The following PCLO variants were observed in gnomAD, a reference collection of about 807,000 sequenced individuals.
The protein encoded by PCLO is piccolo presynaptic cytomatrix protein.
A neutral mutation model predicts 427.5 loss-of-function variants in PCLO; 82 were observed. The ratio of observed to expected loss-of-function variants is 0.19; its 90% CI spans 0.16 to 0.23. The LOEUF is 0.23. Ranked by LOEUF, PCLO falls within the 10% of genes least tolerant of loss-of-function variation. The pLI, the probability that PCLO is intolerant of heterozygous loss-of-function variation, is 1.00. For synonymous variants in PCLO, 2,357 were observed against 2,155.4 expected (o/e 1.09, Z -2.59); for missense variants, 6,239 against 6,115.9 (o/e 1.02, Z -0.67).
In PCLO at chr7:82,756,084, T is replaced by G. The variant is rs1034614830; in HGVS notation, c.*2491A>C. ...ATCTTTGTTTTGGTGATCCCTCCATTTATATTATTCTAAAAGAAATTGCAA... is the reference window on the plus strand; with the variant it reads ...ATCTTTGTTTTGGTGATCCCTCCATGTATATTATTCTAAAAGAAATTGCAA... On this transcript the variant is annotated 3_prime_UTR_variant, in exon 25 of 25. Transcript: ENST00000333891. 3 of 152,094 alleles carry G rather than the reference T, an allele frequency of 2.0e-5. No homozygotes were observed. The highest frequency in any genetic ancestry group is 4.4e-5 in the Non-Finnish European group (3 of 68,020). 9.4% of individuals were successfully genotyped at this position (152,094 alleles called of 1,614,324 possible).
intron 22 of PCLO, among the ~76,000 whole-genome samples, chr7:82,773,395 C>T (rs1400374191): frequency 1.3e-5 from 2 of 152,084 alleles, no homozygotes; most frequent in Non-Finnish European, 1.5e-5. Context: ...CCTGTGAAGA[C>T]CTCCTGAATG....
intron 6 of PCLO, among the ~76,000 whole-genome samples, chr7:82,938,374 A>G (rs1795004272): frequency 6.6e-6 from 1 of 151,922 alleles, no homozygotes; most frequent in Non-Finnish European, 1.5e-5. Context: ...TTGTTGCTTC[A>G]TTCAACATTA....
At chr7:82,994,426 C>T (rs555789361) in intron 3 of PCLO, among the ~76,000 whole-genome samples, 4 of 151,916 alleles carry the variant, frequency 2.6e-5, no homozygotes, top group South Asian at 2.1e-4. Context: ...AATTAAGTAA[C>T]GAAAAGGGTA....
intron 3 of PCLO, among the ~76,000 whole-genome samples, chr7:82,970,862 A>C (rs1429432167): frequency 6.6e-6 from 1 of 151,908 alleles, no homozygotes; most frequent in East Asian, 1.9e-4. Context: ...TAAATTTCCA[A>C]GAAAGTTTAT....
chr7:83,142,765 C>T (rs1037189100), intron 2 of PCLO, among the ~76,000 whole-genome samples: 3 of 152,120 alleles, frequency 2.0e-5, no homozygotes, highest in Non-Finnish European at 2.9e-5. Context: ...CCAAAACCAG[C>T]CTGGCCAATA....
intron 6 of PCLO, among the ~76,000 whole-genome samples, chr7:82,930,548 A>T (rs1040840968): frequency 5.3e-5 from 8 of 152,316 alleles, no homozygotes; most frequent in African/African-American, 1.9e-4. Flanking sequence ...TGTTAGCATA[A>T]CACAAAAATA....
chr7:83,134,321 T>C lies in PCLO; in HGVS notation c.3229A>G (p.Asn1077Asp), dbSNP rs773223629. 1 of 1,605,572 alleles carries C rather than the reference T, an allele frequency of 6.2e-7. No individual in the cohort carries two copies. Among genetic ancestry groups the C allele is most frequent in the East Asian group, 2.2e-5 (1 of 44,694 alleles). The change falls in exon 3 of 25, where the codon AAT (asparagine) becomes GAT (aspartate). Residue 1077 changes from asparagine (N) to aspartate (D), a missense_variant. This residue lies in a region of PCLO where 4,677 missense variants were observed against 4,468.4 expected (regional missense o/e 1.05). Coordinates refer to ENST00000333891, the MANE Select transcript of PCLO (RefSeq NM_033026.6). ...TGATTCTTGCATTCAGTGCAAGTAT[T>C]GAAGTTAGGAGGATCCTTAGAACCT... ...NIGSKDPPNFNTCTECKNQVC... is the reference protein window; with the variant it reads ...NIGSKDPPNFDTCTECKNQVC...
intron 3 of PCLO, among the ~76,000 whole-genome samples, chr7:83,049,791 C>T (rs577012449): frequency 2.0e-5 from 3 of 152,094 alleles, no homozygotes; most frequent in Non-Finnish European, 4.4e-5. Context: ...TAAGCAAAAG[C>T]GGTTAAGCTA....
chr7:83,141,545 A>T (rs919200188), intron 2 of PCLO, among the ~76,000 whole-genome samples: 2 of 152,352 alleles, frequency 1.3e-5, no homozygotes, highest in Admixed American at 1.3e-4. Flanking sequence ...GGGGGTAAGA[A>T]GATGATCAGA....
chr7:82,951,201 T>G lies in PCLO; in HGVS notation c.9387A>C (p.Ser3129=), dbSNP rs776093952. The change falls in exon 6 of 25, where the codon TCA becomes TCC. Residue 3129 remains serine (S), a synonymous_variant. Transcript: ENST00000333891. ...SGIHTADAVT[S]LPAMHHSQPM... is the part of the protein sequence containing the mutation. ...GCTGGCTATGGTGCATGGCAGGTAA[T>G]GAAGTCACTGCATCAGCCGTATGAA... 20 of 1,613,674 alleles carry G rather than the reference T, an allele frequency of 1.2e-5. No homozygotes were observed. In the South Asian group the frequency reaches 1.8e-4, roughly 14 times the overall value.
At chr7:83,075,204 A>AT (rs1554391974) in intron 3 of PCLO, among the ~76,000 whole-genome samples, 3 of 152,110 alleles carry the variant, frequency 2.0e-5, no homozygotes, top group Non-Finnish European at 4.4e-5. Flanking sequence ...ATCACCAAGT[A>AT]TAAGTGCTAA....
Position 82,914,668 on chromosome 7 carries a change from G to C in PCLO, c.13300+18C>G. ...TTTGAGTTTTGAGAGTAACAGGGTAGTTTGAGGCCCAATTTACCTTCACTG... is the reference window on the plus strand; with the variant it reads ...TTTGAGTTTTGAGAGTAACAGGGTACTTTGAGGCCCAATTTACCTTCACTG... On this transcript the variant is annotated intron_variant, in intron 7 of 24. Transcript: ENST00000333891. The C allele has an allele frequency of 6.2e-7, 1 of 1,611,090 alleles. No homozygotes were observed. The highest frequency in any genetic ancestry group is 8.5e-7 in the Non-Finnish European group (1 of 1,178,192).
At position 82,915,958 on chromosome 7, in the gene PCLO, C is replaced by T. The variant is rs759351805; in HGVS notation, c.12028G>A (p.Asp4010Asn). The stretch of plus-strand genomic sequence containing the variant: ...CTTTCCTCCAAACCTATTCTCAAGT[C>T]TAAACTATTGTACTTACTACCAAGA... Reference protein sequence around the residue: ...SHLGSKYNSLDLRIGLEERSS... With the variant: ...SHLGSKYNSLNLRIGLEERSS... Residue 4010 changes from aspartate (D) to asparagine (N), a missense_variant, in exon 7 of 25, where the codon GAC (aspartate) becomes AAC (asparagine). By Grantham distance (23) the Asp-to-Asn change is conservative. Transcript: ENST00000333891. The T allele has an allele frequency of 6.2e-7, 1 of 1,613,042 alleles. No individual in the cohort carries two copies. The highest frequency in any genetic ancestry group is 1.1e-5 in the South Asian group (1 of 91,086).
chr7:83,123,017 T>C (rs573074164), intron 3 of PCLO, among the ~76,000 whole-genome samples: 5 of 152,308 alleles, frequency 3.3e-5, no homozygotes, highest in South Asian at 2.1e-4. Flanking sequence ...TTCATGTTTA[T>C]GGATTAGAAG....
intron 6 of PCLO, among the ~76,000 whole-genome samples, chr7:82,946,630 G>A (rs1309186050): frequency 6.6e-6 from 1 of 152,090 alleles, no homozygotes; most frequent in Non-Finnish European, 1.5e-5. Context: ...GGGCAAGGTT[G>A]GCCCATCCAA....
At chr7:83,100,940 G>T (rs984713812) in intron 3 of PCLO, among the ~76,000 whole-genome samples, 4 of 152,016 alleles carry the variant, frequency 2.6e-5, no homozygotes, top group African/African-American at 9.7e-5. Flanking sequence ...TTTTATAGTA[G>T]TTTGGAGTCC....
At chr7:82,881,541 A>G (rs1793508853) in intron 9 of PCLO, among the ~76,000 whole-genome samples, 1 of 152,222 alleles carries the variant, frequency 6.6e-6, no homozygotes, top group African/African-American at 2.4e-5. Flanking sequence ...TAAATAGAAT[A>G]ATACAGTCAT....
At chr7:82,984,851 A>G (rs1796224101) in intron 3 of PCLO, among the ~76,000 whole-genome samples, 1 of 152,032 alleles carries the variant, frequency 6.6e-6, no homozygotes. Context: ...ATTTTGAATG[A>G]TAACACTGAT....
intron 22 of PCLO, among the ~76,000 whole-genome samples, chr7:82,775,393 A>T (rs953139420): frequency 6.6e-6 from 1 of 152,156 alleles, no homozygotes; most frequent in African/African-American, 2.4e-5. Flanking sequence ...CATCTTCTCC[A>T]GCATTTGGTG....
Sources: allele counts gnomAD v4.1 joint callset (sites outside exome capture counted in the v4.1 genomes callset), GRCh38; gene constraint gnomAD v4.1.1; regional missense constraint gnomAD v4.1.1; transcripts MANE v1.5; gene names NCBI Gene and HGNC (gene_info 2026-07-23, HGNC 2026-07-21).